Variants in BAZ2B observed in about 807,000 individuals in gnomAD.
The protein encoded by BAZ2B is bromodomain adjacent to zinc finger domain protein 2B.
In BAZ2B, 91 loss-of-function variants were observed where a neutral mutation model predicts 246.0. The ratio of observed to expected loss-of-function variants is 0.37; its 90% CI spans 0.31 to 0.44. The LOEUF (loss-of-function observed/expected upper bound fraction) is 0.44, where lower values mean the gene tolerates loss of function less well. BAZ2B is among the 20% of genes least tolerant of loss of function. BAZ2B has a pLI of 1.00. For missense variants in BAZ2B, 2,332 were observed against 2,533.7 expected, an observed-to-expected ratio of 0.92 and a Z score of 1.71; for synonymous variants, 855 against 860.0, an observed-to-expected ratio of 0.99 and a Z score of 0.10.
chr2:159,476,752 C>A (rs1451133199), intron 3 of BAZ2B, among the ~76,000 whole-genome samples: 2 of 152,136 alleles, frequency 1.3e-5, no homozygotes, highest in African/African-American at 4.8e-5. Flanking sequence ...TGAAAGCTCA[C>A]AACAAGGGTA....
chr2:159,429,972 TA>T (rs1181369208), intron 10 of BAZ2B, among the ~76,000 whole-genome samples: 2 of 152,136 alleles, frequency 1.3e-5, no homozygotes, highest in East Asian at 3.8e-4. Flanking sequence ...TGTGGAATAT[TA>T]AGTGTATAAA....
At chr2:159,399,041 T>C (rs1280947437) in intron 17 of BAZ2B, 147 bp from the exon 18 acceptor site, 16 of 586,824 alleles carry the variant, frequency 2.7e-5, no homozygotes, top group Non-Finnish European at 4.2e-5. Context: ...TCCCCCCAGT[T>C]AACATTATGT....
intron 3 of BAZ2B, chr2:159,464,151 A>G (rs1333197085): frequency 6.6e-6 from 1 of 152,200 alleles, no homozygotes; most frequent in Non-Finnish European, 1.5e-5. Flanking sequence ...TTTCCAAACT[A>G]AGAAATTAAC....
At chr2:159,711,220 T>C in the BAZ2B span, among the ~76,000 whole-genome samples, 2 of 152,212 alleles carry the variant, frequency 1.3e-5, no homozygotes, top group African/African-American at 4.8e-5. Context: ...TGGAAAAGAA[T>C]TATTTTTCTT....
chr2:159,540,311 C>A (rs1331999734), intron 2 of BAZ2B, among the ~76,000 whole-genome samples: 3 of 152,146 alleles, frequency 2.0e-5, no homozygotes, highest in African/African-American at 7.2e-5. Context: ...ATCTTTGAGA[C>A]CAAACAACTT....
intron 1 of BAZ2B, among the ~76,000 whole-genome samples, chr2:159,580,869 GA>G (rs1383085875): frequency 2.6e-5 from 4 of 152,160 alleles, no homozygotes; most frequent in African/African-American, 9.7e-5. Context: ...GCCATATGTA[GA>G]AAGCTGAAAC....
intron 8 of BAZ2B, among the ~76,000 whole-genome samples, chr2:159,436,966 C>T (rs2072467299): frequency 1.3e-5 from 2 of 152,184 alleles, no homozygotes; most frequent in South Asian, 4.2e-4. Context: ...ATAATAGGTA[C>T]TGACAAAGAG....
At position 159,405,216 on chromosome 2, in the gene BAZ2B, T is replaced by C. The variant is rs1576624401; in HGVS notation, c.2678-102A>G. On this transcript the variant is annotated intron_variant, in intron 14 of 36. Transcript: ENST00000392783. ...GGTATCATCATAAAGGATATAATTA[T>C]TACTTTTTTTTTTGAGATGAAGTCT... 26 of 932,138 alleles carry C rather than the reference T, an allele frequency of 2.8e-5. 2 individuals carry two copies. The African/African-American group carries it at 3.0e-4, about 11-fold the overall frequency. The allele number at this position is 932,138 out of a possible 1,614,324, so 57.7% of individuals were successfully genotyped here.
chr2:159,417,252 C>G (rs1289776384), intron 13 of BAZ2B, among the ~76,000 whole-genome samples: 2 of 149,982 alleles, frequency 1.3e-5, no homozygotes, highest in Admixed American at 1.3e-4. Flanking sequence ...CTCACTGCAA[C>G]CTCTGCCTCT....
chr2:159,430,053 G>C (rs140706053), intron 10 of BAZ2B, among the ~76,000 whole-genome samples: 2 of 152,236 alleles, frequency 1.3e-5, no homozygotes, highest in East Asian at 1.9e-4. Context: ...CACGTTAATG[G>C]AATAAGAATG....
At chr2:159,394,636 G>A (rs2063771859) in intron 20 of BAZ2B, among the ~76,000 whole-genome samples, 1 of 152,034 alleles carries the variant, frequency 6.6e-6, no homozygotes, top group African/African-American at 2.4e-5. Context: ...CGCAACCTGG[G>A]ATGCATCTTG....
At chr2:159,342,115 A>G (rs779722731) in intron 31 of BAZ2B, among the ~76,000 whole-genome samples, 18 of 152,322 alleles carry the variant, frequency 1.2e-4, no homozygotes, top group Non-Finnish European at 2.1e-4. Context: ...AATGCAGCCA[A>G]CCAGGGAGGT....
chr2:159,555,064 TGG>T (rs35188630), intron 2 of BAZ2B, among the ~76,000 whole-genome samples: 50 of 116,982 alleles, frequency 4.3e-4, no homozygotes, highest in East Asian at 2.1e-3. Flanking sequence ...GTGGTGTATG[TGG>T]GGGGTGTGTG....
chr2:159,628,172 A>C, the BAZ2B span, among the ~76,000 whole-genome samples: 1 of 152,218 alleles, frequency 6.6e-6, no homozygotes, highest in Non-Finnish European at 1.5e-5. Context: ...GTAAGAGAGG[A>C]CACAAACAAA....
chr2:159,491,087 T>A (rs1042360076), intron 2 of BAZ2B, among the ~76,000 whole-genome samples: 1 of 152,186 alleles, frequency 6.6e-6, no homozygotes, highest in Non-Finnish European at 1.5e-5. Flanking sequence ...ATTTTACCTG[T>A]TTAATATGTC....
At position 159,439,148 on chromosome 2, in the gene BAZ2B, T is replaced by G. The variant is rs751925598; in HGVS notation, c.761A>C (p.Asp254Ala). 1 of 1,614,046 alleles carries G rather than the reference T, an allele frequency of 6.2e-7. No homozygotes were observed. Among genetic ancestry groups the G allele is most frequent in the South Asian group, 1.1e-5 (1 of 91,086 alleles). ...GCTACTAATGCCTTCACTTGAGGTG[T>G]CTGATGATGTGCCTGAATCACTATC... ...NSDSDSGTSSDTSSEGISSSD... is the reference protein window; with the variant it reads ...NSDSDSGTSSATSSEGISSSD... The change falls in exon 7 of 37, where the codon GAC becomes GCC. Residue 254 changes from aspartate (D) to alanine (A), a missense_variant. This residue lies in a region of BAZ2B where 161 missense variants were observed against 225.8 expected (regional missense o/e 0.71). Coordinates refer to ENST00000392783, the MANE Select transcript of BAZ2B (RefSeq NM_013450.4).
At chr2:159,349,421 C>T in intron 28 of BAZ2B, 141 bp from the exon 29 acceptor site, 1 of 964,094 alleles carries the variant, frequency 1.0e-6, no homozygotes, top group Non-Finnish European at 1.5e-6. Flanking sequence ...AATACATTAG[C>T]AACAAAAATG....
chr2:159,689,312 C>T, the BAZ2B span: 6 of 405,224 alleles, frequency 1.5e-5, no homozygotes, highest in Admixed American at 2.3e-4. Flanking sequence ...ACTACCTTCA[C>T]CATGAAGCTC....
At chr2:159,342,094 A>G (rs936654896) in intron 31 of BAZ2B, among the ~76,000 whole-genome samples, 8 of 152,180 alleles carry the variant, frequency 5.3e-5, no homozygotes, top group African/African-American at 1.4e-4. Flanking sequence ...CCTAACAATA[A>G]AATACCTAGG....
Sources: allele counts gnomAD v4.1 joint callset (sites outside exome capture counted in the v4.1 genomes callset), GRCh38; gene constraint gnomAD v4.1.1; regional missense constraint gnomAD v4.1.1; transcripts MANE v1.5; gene names NCBI Gene and HGNC (gene_info 2026-07-23, HGNC 2026-07-21).